The following EPHB1 variants were observed in gnomAD, a reference collection of about 807,000 sequenced individuals.
The protein encoded by EPHB1 is ephrin type-B receptor 1.
EPHB1 carries 30 observed loss-of-function variants against 94.4 expected under a neutral mutation model. The ratio of observed to expected loss-of-function variants is 0.32; its 90% CI spans 0.24 to 0.43. The LOEUF is 0.43. Ranked by LOEUF, EPHB1 falls within the 20% of genes least tolerant of loss-of-function variation. The pLI, the probability that EPHB1 is intolerant of heterozygous loss-of-function variation, is 1.00. For missense variants in EPHB1, 1,055 were observed against 1,308.3 expected (o/e 0.81, Z 2.99); for synonymous variants, 522 against 489.1 (o/e 1.07, Z -0.89).
At chr3:135,070,827 G>A (rs148507429) in intron 3 of EPHB1, among the ~76,000 whole-genome samples, 1 of 152,286 alleles carries the variant, frequency 6.6e-6, no homozygotes, top group East Asian at 1.9e-4. Context: ...TGTGATGGAT[G>A]GTAGGGTCAG....
rs551870550 is a variant in EPHB1, at chr3:135,124,234, C to T, written c.962-8480C>T. 2.0e-5 allele frequency among the ~76,000 whole-genome samples: 3 copies of T among 151,844 alleles called. No homozygotes were observed. The East Asian group carries it at 5.8e-4, about 29-fold the overall frequency. ...CTCTAGATATTTGCATTGCTTCTGT[C>T]TCATCACACTCAGGTCTCTGTCCAG... On this transcript the variant is annotated intron_variant, in intron 4 of 15. Coordinates refer to ENST00000398015, the MANE Select transcript of EPHB1 (RefSeq NM_004441.5).
chr3:134,899,920 T>C lies in EPHB1; in HGVS notation c.59-25896T>C, dbSNP rs147956292. Among the ~76,000 whole-genome samples, 531 of 152,314 alleles carry C rather than the reference T, an allele frequency of 3.5e-3. 3 individuals carry two copies. Among genetic ancestry groups the C allele is most frequent in the African/African-American group, 0.012 (515 of 41,564 alleles). On this transcript the variant is annotated intron_variant, in intron 1 of 15. Transcript: ENST00000398015. ...GAGTCATGACTATACCTGGTGAGTT[T>C]GCAAGGTAGTAGACTGATGGACCCA...
intron 4 of EPHB1, among the ~76,000 whole-genome samples, chr3:135,129,226 T>C (rs1177283398): frequency 6.6e-6 from 1 of 151,938 alleles, no homozygotes; most frequent in Non-Finnish European, 1.5e-5. Flanking sequence ...GGGAGGAAAC[T>C]CACTGCATTT....
chr3:135,047,049 A>G (rs1042009706), intron 3 of EPHB1, among the ~76,000 whole-genome samples: 3 of 152,194 alleles, frequency 2.0e-5, no homozygotes, highest in African/African-American at 4.8e-5. Context: ...TGAGGAGGAT[A>G]GTGTGTGGCC....
At chr3:134,970,620 T>C (rs1043433666) in intron 3 of EPHB1, among the ~76,000 whole-genome samples, 4 of 152,174 alleles carry the variant, frequency 2.6e-5, no homozygotes, top group South Asian at 4.1e-4. Context: ...AGGGAAAGGA[T>C]CTGCTTGTTA....
At chr3:134,978,059 A>AC (rs1343791158) in intron 3 of EPHB1, 1 of 443,172 alleles carries the variant, frequency 2.3e-6, no homozygotes, top group East Asian at 7.1e-5. Flanking sequence ...CTCTGCATCC[A>AC]CCCCCTCTGA....
chr3:135,044,849 C>T (rs1178922873), intron 3 of EPHB1, among the ~76,000 whole-genome samples: 1 of 152,118 alleles, frequency 6.6e-6, no homozygotes, highest in Non-Finnish European at 1.5e-5. Context: ...CTAGCTGATG[C>T]ATTATAGTAT....
intron 5 of EPHB1, among the ~76,000 whole-genome samples, chr3:135,150,954 C>T (rs1404471220): frequency 1.3e-5 from 2 of 152,214 alleles, no homozygotes; most frequent in African/African-American, 2.4e-5. Flanking sequence ...ATGGCAGCCC[C>T]ATTCTTCCAG....
chr3:135,213,832 T>A (rs1943082537), intron 12 of EPHB1, among the ~76,000 whole-genome samples: 1 of 152,184 alleles, frequency 6.6e-6, no homozygotes, highest in South Asian at 2.1e-4. Context: ...TAAAGTAGTG[T>A]CAACTTTCCC....
At chr3:135,076,258 T>TATATATATATC (rs1937913650) in intron 3 of EPHB1, among the ~76,000 whole-genome samples, 1 of 103,506 alleles carries the variant, frequency 9.7e-6, no homozygotes, top group African/African-American at 3.1e-5. Context: ...TATATATATA[T>TATATATATATC]ATAACTCTTA....
intron 1 of EPHB1, among the ~76,000 whole-genome samples, chr3:134,865,924 T>G (rs1400307216): frequency 6.6e-6 from 1 of 152,124 alleles, no homozygotes; most frequent in African/African-American, 2.4e-5. Context: ...GAAGGGGAAG[T>G]TAAGAAGCTA....
At chr3:134,876,120 T>G (rs1578161227) in intron 1 of EPHB1, among the ~76,000 whole-genome samples, 1 of 152,176 alleles carries the variant, frequency 6.6e-6, no homozygotes, top group Non-Finnish European at 1.5e-5. Flanking sequence ...GGGATAAGTG[T>G]CATGACTCCC....
At chr3:135,142,395 C>T (rs1259150210) in intron 5 of EPHB1, among the ~76,000 whole-genome samples, 1 of 152,154 alleles carries the variant, frequency 6.6e-6, no homozygotes, top group Non-Finnish European at 1.5e-5. Context: ...AGAAACAGAT[C>T]ACAAATATAC....
At chr3:134,916,992 G>A (rs1279925219) in intron 1 of EPHB1, among the ~76,000 whole-genome samples, 2 of 152,330 alleles carry the variant, frequency 1.3e-5, no homozygotes, top group South Asian at 2.1e-4. Flanking sequence ...TGAGGTTGTG[G>A]TGCTGTTACA....
chr3:135,038,105 A>AGCC (rs1390885536), intron 3 of EPHB1, among the ~76,000 whole-genome samples: 2 of 152,232 alleles, frequency 1.3e-5, no homozygotes, highest in African/African-American at 4.8e-5. Flanking sequence ...GGGGCAAGTT[A>AGCC]GCCATTTGTA....
intron 3 of EPHB1, among the ~76,000 whole-genome samples, chr3:135,045,243 G>T (rs1936964844): frequency 6.6e-6 from 1 of 152,032 alleles, no homozygotes; most frequent in African/African-American, 2.4e-5. Flanking sequence ...AGTAGTCATT[G>T]TTATCCTTTA....
intron 3 of EPHB1, among the ~76,000 whole-genome samples, chr3:135,096,161 A>T (rs1576379735): frequency 2.6e-5 from 4 of 152,368 alleles, no homozygotes; most frequent in Middle Eastern, 6.8e-3. Context: ...TCTTGAGGAT[A>T]TTTATTGAGG....
chr3:135,219,385 A>T (rs1196070281), intron 12 of EPHB1, among the ~76,000 whole-genome samples: 1 of 152,012 alleles, frequency 6.6e-6, no homozygotes, highest in Non-Finnish European at 1.5e-5. Context: ...GTCTAAGTCC[A>T]ATCACTGGAG....
At chr3:135,206,438 G>C (rs1000104948) in intron 12 of EPHB1, among the ~76,000 whole-genome samples, 50 of 152,088 alleles carry the variant, frequency 3.3e-4, no homozygotes, top group African/African-American at 1.1e-3. Flanking sequence ...ACTATGTTTT[G>C]ATTCTCAATT....
Sources: gnomAD v4.1 joint callset for allele counts (sites outside exome capture counted in the v4.1 genomes callset) on GRCh38, gnomAD v4.1.1 for gene constraint, MANE v1.5 for transcripts, NCBI Gene and HGNC (gene_info 2026-07-23, HGNC 2026-07-21) for gene names.